STON2: variants seen among roughly 807,000 people sequenced by gnomAD.
STON2 encodes stonin 2, also known as stonin-2.
Under a neutral mutation model 65.7 loss-of-function variants are expected in STON2, and 29 were observed. The observed-to-expected ratio is 0.44, with a 90% confidence interval of 0.33 to 0.60. The LOEUF (loss-of-function observed/expected upper bound fraction) is 0.60. Ranked by LOEUF, STON2 falls within the 20% of genes least tolerant of loss-of-function variation. STON2 has a pLI of 0.03. For missense variants in STON2, 1,054 were observed against 1,118.1 expected, an observed-to-expected ratio of 0.94 and a Z score of 0.82; for synonymous variants, 404 against 414.2, an observed-to-expected ratio of 0.98 and a Z score of 0.30.
chr14:81,276,327 A>T (rs1285548709), intron 6 of STON2, among the ~76,000 whole-genome samples: 3 of 152,224 alleles, frequency 2.0e-5, no homozygotes, highest in Non-Finnish European at 4.4e-5. Context: ...CCTTTTAGAA[A>T]TTCATGTCCT....
At chr14:81,289,481 C>G (rs1010098286) in intron 5 of STON2, among the ~76,000 whole-genome samples, 1 of 152,014 alleles carries the variant, frequency 6.6e-6, no homozygotes, top group South Asian at 2.1e-4. Context: ...TCTGCAGAGC[C>G]CCAGGGGAGA....
At chr14:81,386,094 C>G (rs1899788625) in intron 3 of STON2, among the ~76,000 whole-genome samples, 1 of 152,120 alleles carries the variant, frequency 6.6e-6, no homozygotes, top group Non-Finnish European at 1.5e-5. Context: ...GGGAGAGGAT[C>G]AGAGACGGCA....
chr14:81,432,042 T>C (rs1343367054), intron 1 of STON2, among the ~76,000 whole-genome samples: 1 of 152,190 alleles, frequency 6.6e-6, no homozygotes, highest in Non-Finnish European at 1.5e-5. Flanking sequence ...TATTCTAATC[T>C]GGTAGCCAGC....
At chr14:81,301,176 A>G (rs1407036619) in intron 5 of STON2, among the ~76,000 whole-genome samples, 1 of 152,198 alleles carries the variant, frequency 6.6e-6, no homozygotes, top group African/African-American at 2.4e-5. Context: ...GAAATAATTA[A>G]TAGAGAAAAA....
At chr14:81,340,358 A>G (rs1897557677) in intron 4 of STON2, among the ~76,000 whole-genome samples, 1 of 152,288 alleles carries the variant, frequency 6.6e-6, no homozygotes, top group East Asian at 1.9e-4. Flanking sequence ...GGGTTAGTGG[A>G]TACGTTCATT....
intron 4 of STON2, among the ~76,000 whole-genome samples, chr14:81,357,926 A>G (rs1898321051): frequency 6.7e-6 from 1 of 149,538 alleles, no homozygotes; most frequent in Non-Finnish European, 1.5e-5. Flanking sequence ...ATTGGGAGAT[A>G]TACCTACTGC....
At chr14:81,379,946 A>G (rs1899435340) in intron 3 of STON2, among the ~76,000 whole-genome samples, 1 of 152,232 alleles carries the variant, frequency 6.6e-6, no homozygotes, top group Non-Finnish European at 1.5e-5. Context: ...CAAAAACTTC[A>G]TGACAAAGAT....
chr14:81,274,214 T>A (rs1044254494), intron 6 of STON2, among the ~76,000 whole-genome samples: 1 of 152,174 alleles, frequency 6.6e-6, no homozygotes, highest in African/African-American at 2.4e-5. Flanking sequence ...GAAGCCTCTT[T>A]ATGGGGTTTC....
intron 5 of STON2, among the ~76,000 whole-genome samples, chr14:81,298,919 A>G (rs1895868331): frequency 3.3e-5 from 5 of 152,228 alleles, no homozygotes; most frequent in African/African-American, 1.2e-4. Context: ...TTAAAACACA[A>G]TTCATCCATG....
chr14:81,313,344 T>G (rs1896498833), intron 5 of STON2, among the ~76,000 whole-genome samples: 1 of 152,196 alleles, frequency 6.6e-6, no homozygotes, highest in African/African-American at 2.4e-5. Flanking sequence ...ATAATCATCT[T>G]TAGACTCTCC....
intron 1 of STON2, among the ~76,000 whole-genome samples, chr14:81,428,785 A>G (rs1423700435): frequency 6.6e-6 from 1 of 152,216 alleles, no homozygotes; most frequent in Non-Finnish European, 1.5e-5. Context: ...TCTAAGGCAA[A>G]CAAATAAAAT....
chr14:81,413,081 A>G, intron 2 of STON2: 2 of 1,062,088 alleles, frequency 1.9e-6, no homozygotes, highest in Non-Finnish European at 2.8e-6. Flanking sequence ...AGAGAGGAAC[A>G]CTGTGGCTCA....
At chr14:81,311,527 T>A (rs1381638389) in intron 5 of STON2, among the ~76,000 whole-genome samples, 3 of 152,236 alleles carry the variant, frequency 2.0e-5, no homozygotes, top group Non-Finnish European at 4.4e-5. Context: ...TCTTAGATGA[T>A]CTTATTTCCT....
In STON2 at chr14:81,434,321, C is replaced by T. The variant is rs79780876; in HGVS notation, c.-310+2000G>A. On this transcript the variant is annotated intron_variant, in intron 1 of 8. Transcript: ENST00000553821. ...CTGGCTCTGAACTCAGAAGTCTTTG[C>T]CCCGCCCAACACATCTCTCTTACTA... is the stretch of plus-strand genomic sequence containing the variant. Among the ~76,000 whole-genome samples, 934 of 152,246 alleles carry T rather than the reference C, an allele frequency of 6.1e-3. 8 individuals carry two copies. The highest frequency in any genetic ancestry group is 0.01 in the Non-Finnish European group (698 of 67,994).
At position 81,421,602 on chromosome 14, in the gene STON2, T is replaced by A. The variant is rs545058872; in HGVS notation, c.-199+5500A>T. On this transcript the variant is annotated intron_variant, in intron 2 of 8. Transcript: ENST00000553821. ...ATGTAATGTTATCAAGATATGGGGA[T>A]AGAATCTTTTTTGGACTCATTGAGA... 7.9e-5 allele frequency among the ~76,000 whole-genome samples: 12 copies of A among 152,326 alleles called. No homozygotes were observed. The South Asian group carries it at 1.2e-3, about 16-fold the overall frequency.
At chr14:81,360,540 A>G (rs1347799549) in intron 4 of STON2, among the ~76,000 whole-genome samples, 1 of 152,220 alleles carries the variant, frequency 6.6e-6, no homozygotes, top group Non-Finnish European at 1.5e-5. Flanking sequence ...AGTAAAGGCC[A>G]TATGTGATTA....
intron 1 of STON2, chr14:81,436,225 G>A (rs929010890): frequency 8.9e-5 from 13 of 146,374 alleles, no homozygotes; most frequent in African/African-American, 3.0e-4. Flanking sequence ...CGGCCGGCCC[G>A]CCCCCGCCCC....
chr14:81,347,693 T>C (rs1285484387), intron 4 of STON2, among the ~76,000 whole-genome samples: 1 of 132,918 alleles, frequency 7.5e-6, no homozygotes, highest in Non-Finnish European at 1.6e-5. Context: ...AACAAAAAAC[T>C]AGCAAACTGA....
At chr14:81,349,394 A>G (rs1365930754) in intron 4 of STON2, among the ~76,000 whole-genome samples, 1 of 152,180 alleles carries the variant, frequency 6.6e-6, no homozygotes, top group African/African-American at 2.4e-5. Flanking sequence ...TTAAATGCAG[A>G]AAACCAAATT....
Sources: allele counts gnomAD v4.1 joint callset (sites outside exome capture counted in the v4.1 genomes callset), GRCh38; gene constraint gnomAD v4.1.1; transcripts MANE v1.5; gene names NCBI Gene and HGNC (gene_info 2026-07-23, HGNC 2026-07-21).